Variants in ASCC3 observed in about 807,000 individuals in gnomAD.
ASCC3 encodes ASC-1 complex subunit P200.
A neutral mutation model predicts 256.3 loss-of-function variants in ASCC3; 158 were observed. The observed-to-expected ratio is 0.62, with a 90% CI of 0.54 to 0.70. The LOEUF is 0.70. ASCC3 is among the 30% of genes least tolerant of loss of function. The pLI is 0.00. For missense variants in ASCC3, 2,259 were observed against 2,626.0 expected (o/e 0.86, Z 3.05); for synonymous variants, 948 against 883.4 (o/e 1.07, Z -1.30).
intron 34 of ASCC3, among the ~76,000 whole-genome samples, chr6:100,594,644 A>C (rs1308506880): frequency 6.6e-6 from 1 of 152,132 alleles, no homozygotes; most frequent in Admixed American, 6.6e-5. Context: ...AAAATCTAAA[A>C]ATAGATCTAG....
chr6:100,723,473 A>G (rs1378171967), intron 11 of ASCC3, among the ~76,000 whole-genome samples: 1 of 151,782 alleles, frequency 6.6e-6, no homozygotes, highest in Non-Finnish European at 1.5e-5. Flanking sequence ...TGAAACAATT[A>G]AATCATTAAT....
intron 4 of ASCC3, 134 bp from the exon 5 acceptor site, chr6:100,806,014 T>C (rs1365136064): frequency 1.3e-6 from 1 of 771,774 alleles, no homozygotes; most frequent in East Asian, 2.8e-5. Context: ...ATAAAAATGG[T>C]ACCTTAAACT....
chr6:100,695,863 G>A (rs1250024360), intron 13 of ASCC3, among the ~76,000 whole-genome samples: 1 of 152,176 alleles, frequency 6.6e-6, no homozygotes, highest in Non-Finnish European at 1.5e-5. Context: ...AGATAGACCA[G>A]TGGAGAGTTA....
intron 14 of ASCC3, among the ~76,000 whole-genome samples, chr6:100,670,424 C>T (rs1776684468): frequency 6.6e-6 from 1 of 151,790 alleles, no homozygotes; most frequent in Non-Finnish European, 1.5e-5. Flanking sequence ...ACACTGTCTG[C>T]CTGTATACTT....
intron 10 of ASCC3, among the ~76,000 whole-genome samples, chr6:100,729,746 T>C (rs1779813459): frequency 6.6e-6 from 1 of 152,178 alleles, no homozygotes. Flanking sequence ...TTTAAAGTTT[T>C]GAATCAAAAG....
intron 4 of ASCC3, among the ~76,000 whole-genome samples, chr6:100,827,983 A>G (rs1207928369): frequency 3.3e-5 from 5 of 151,916 alleles, no homozygotes; most frequent in Admixed American, 3.3e-4. Context: ...AAGGACTGAT[A>G]TTAAACAACT....
At chr6:100,807,973 T>G (rs1770271786) in intron 4 of ASCC3, among the ~76,000 whole-genome samples, 1 of 151,948 alleles carries the variant, frequency 6.6e-6, no homozygotes, top group African/African-American at 2.4e-5. Flanking sequence ...GATTAGGGTA[T>G]CTGACAAACA....
chr6:100,633,336 G>T lies in ASCC3; in HGVS notation c.4123-2123C>A, dbSNP rs115616598. Among the ~76,000 whole-genome samples the T allele has an allele frequency of 3.3e-3, 502 of 152,122 alleles. 3 individuals are homozygous for T. Among genetic ancestry groups the T allele is most frequent in the African/African-American group, 0.012 (480 of 41,520 alleles). ...CTGTCTTGTTTACTAGAAAGACTGT[G>T]GCAGTATCACGGTGCTTTTGTACAA... On this transcript the variant is annotated intron_variant, in intron 25 of 41. Coordinates refer to ENST00000369162, the MANE Select transcript of ASCC3 (RefSeq NM_006828.4).
chr6:100,872,541 T>A (rs1387278664), intron 1 of ASCC3, among the ~76,000 whole-genome samples: 4 of 149,648 alleles, frequency 2.7e-5, no homozygotes, highest in African/African-American at 9.9e-5. Flanking sequence ...CCGTGTGGAG[T>A]CTTGCATTGT....
chr6:100,789,396 T>C (rs1769242448), intron 8 of ASCC3, among the ~76,000 whole-genome samples: 1 of 151,828 alleles, frequency 6.6e-6, no homozygotes, highest in Non-Finnish European at 1.5e-5. Context: ...TAAAAACAGG[T>C]TCTTCATGCT....
At position 100,718,104 on chromosome 6, in the gene ASCC3, T is replaced by G; in HGVS notation, c.2050A>C (p.Thr684Pro). The G allele has an allele frequency of 6.2e-7, 1 of 1,613,548 alleles. No homozygotes were observed. Among genetic ancestry groups the G allele is most frequent in the Non-Finnish European group, 8.5e-7 (1 of 1,179,692 alleles). Residue 684 changes from threonine (T) to proline (P), a missense_variant, in exon 12 of 42, where the codon ACA becomes CCA. By Grantham distance (38) the Thr-to-Pro change is conservative. This residue lies in a region of ASCC3 where 1,839 missense variants were observed against 2,206.7 expected (regional missense o/e 0.83). Transcript: ENST00000369162. ...GRFRPVPLGQTFLGIKCANKM... is the reference protein window; with the variant it reads ...GRFRPVPLGQPFLGIKCANKM... ...TTTGCACATTTAATCCCCAAAAATG[T>G]CTGTCCAAGAGGTACTGGTCGAAAA...
At chr6:100,768,128 C>A (rs1358244853) in intron 8 of ASCC3, among the ~76,000 whole-genome samples, 1 of 151,844 alleles carries the variant, frequency 6.6e-6, no homozygotes, top group Non-Finnish European at 1.5e-5. Context: ...ATAAAAAAAC[C>A]TTTTTTTAAA....
chr6:100,842,276 C>T (rs1772179986), intron 4 of ASCC3, among the ~76,000 whole-genome samples: 1 of 152,182 alleles, frequency 6.6e-6, no homozygotes, highest in Non-Finnish European at 1.5e-5. Context: ...AAAAAAACTA[C>T]TACAACCTCT....
intron 25 of ASCC3, among the ~76,000 whole-genome samples, chr6:100,638,337 T>C (rs757130719): frequency 2.6e-5 from 4 of 152,234 alleles, no homozygotes; most frequent in Admixed American, 6.5e-5. Flanking sequence ...GGCTATGGTA[T>C]AGTATAAACA....
chr6:100,848,296 G>T lies in ASCC3; in HGVS notation c.653C>A (p.Thr218Lys). ...TTCACACCACAAAAAGGAGCCATTT[G>T]TTTTTTCCACAGGCTTGAGTTCTGG... ...CTPELKPVEK[T>K]NGSFLWCEVE... The change falls in exon 4 of 42, where the codon ACA (threonine) becomes AAA (lysine). Residue 218 changes from threonine (T) to lysine (K), a missense_variant. By Grantham distance (78) the Thr-to-Lys change is moderately conservative (BLOSUM62 -1). This residue lies in a region of ASCC3 where 420 missense variants were observed against 419.3 expected (regional missense o/e 1.00). Coordinates refer to ENST00000369162, the MANE Select transcript of ASCC3 (RefSeq NM_006828.4). The T allele has an allele frequency of 1.2e-6, 2 of 1,614,012 alleles. No individual in the cohort carries two copies. Among genetic ancestry groups the T allele is most frequent in the Non-Finnish European group, 1.7e-6 (2 of 1,179,976 alleles).
intron 36 of ASCC3, among the ~76,000 whole-genome samples, chr6:100,585,476 T>G (rs970184439): frequency 2.4e-4 from 36 of 152,324 alleles, no homozygotes; most frequent in Middle Eastern, 3.4e-3. Flanking sequence ...TAGTTATACA[T>G]TCGTCTAAAT....
chr6:100,740,789 GTC>G (rs1246468652), intron 10 of ASCC3, among the ~76,000 whole-genome samples: 1 of 152,110 alleles, frequency 6.6e-6, no homozygotes, highest in Non-Finnish European at 1.5e-5. Flanking sequence ...GTTTATGTGT[GTC>G]TTTGCCTATG....
intron 36 of ASCC3, among the ~76,000 whole-genome samples, chr6:100,556,704 T>C (rs1341346801): frequency 1.3e-5 from 2 of 152,034 alleles, no homozygotes; most frequent in African/African-American, 4.8e-5. Flanking sequence ...AACAGATTAA[T>C]TGGCAAGACT....
At chr6:100,706,208 AATTAT>A (rs1396009773) in intron 13 of ASCC3, among the ~76,000 whole-genome samples, 2 of 151,482 alleles carry the variant, frequency 1.3e-5, no homozygotes, top group Non-Finnish European at 3.0e-5. Context: ...AAAACTGTTG[AATTAT>A]ATTTTTTTCA....
Sources: allele counts gnomAD v4.1 joint callset (sites outside exome capture counted in the v4.1 genomes callset), GRCh38; gene constraint gnomAD v4.1.1; regional missense constraint gnomAD v4.1.1; transcripts MANE v1.5; gene names NCBI Gene and HGNC (gene_info 2026-07-23, HGNC 2026-07-21).